The following PYDC1 variants were observed in gnomAD, a reference collection of about 807,000 sequenced individuals.
PYDC1 encodes pyrin domain-containing protein 1.
In PYDC1, 1 loss-of-function variant was observed where a neutral mutation model predicts 0.7. The ratio of observed to expected loss-of-function variants is 1.39; its 90% CI spans 0.49 to 6.61. The LOEUF is 6.61. Ranked by LOEUF, PYDC1 falls within the 30% of genes most tolerant of loss-of-function variation. The probability of loss-of-function intolerance (pLI) is 0.14; values close to 1 mark genes in which losing one functional copy is unlikely to be tolerated. For missense variants in PYDC1, 129 were observed against 124.8 expected (o/e 1.03, Z -0.16); for synonymous variants, 37 against 60.9 (o/e 0.61, Z 1.83).
In PYDC1 at chr16:31,216,302, A is replaced by AC. The variant is rs1217794296; in HGVS notation, c.*17-146dup. 1 of 155,782 alleles carries AC rather than the reference A, an allele frequency of 6.4e-6. No individual in the cohort carries two copies. The highest frequency in any genetic ancestry group is 2.4e-5 in the African/African-American group (1 of 40,960). 9.6% of individuals were successfully genotyped at this position (155,782 alleles called of 1,614,324 possible). On this transcript the variant is annotated intron_variant, in intron 1 of 1. Coordinates refer to ENST00000302964, the MANE Select transcript of PYDC1 (RefSeq NM_152901.4). This position sits in a 1 kb window ranked among gnomAD's most constrained non-coding sequence, Gnocchi z 6.7. ...CTCAGGGCAGGAGCCTCCTCCCGGGACCCCTCCCATCCCAGCACACCTGTG... is the reference window on the plus strand; with the variant it reads ...CTCAGGGCAGGAGCCTCCTCCCGGGACCCCCTCCCATCCCAGCACACCTGTG...
In PYDC1 at chr16:31,216,920, C is replaced by G. The variant is rs769473593; in HGVS notation, c.109G>C (p.Glu37Gln). 1 of 1,614,126 alleles carries G rather than the reference C, an allele frequency of 6.2e-7. No individual in the cohort carries two copies. The highest frequency in any genetic ancestry group is 8.5e-7 in the Non-Finnish European group (1 of 1,180,032). ...LGTVPLREGF[E>Q]RIPRGALGQL... ...CCGAGCGCGCCCCGCGGGATGCGCT[C>G]AAAGCCCTCGCGCAGCGGCACCGTC... The change falls in exon 1 of 2, where the codon GAG becomes CAG. Residue 37 changes from glutamate to glutamine, a missense_variant. Glu to Gln is a conservative substitution (Grantham distance 29, BLOSUM62 2). Transcript: ENST00000302964. This position sits in a 1 kb window ranked among gnomAD's most constrained non-coding sequence, Gnocchi z 6.7.
chr16:31,216,477 C>A lies in PYDC1; in HGVS notation c.*16+266G>T. On this transcript the variant is annotated intron_variant, in intron 1 of 1. Transcript: ENST00000302964. This position sits in a 1 kb window ranked among gnomAD's most constrained non-coding sequence, Gnocchi z 6.7. ...AAAAACCCAACCTCGCCCAACCTTG[C>A]CCGTCTTTATCTGCGAAGAAAGCAC... 1 of 406,844 alleles carries A rather than the reference C, an allele frequency of 2.5e-6. No homozygotes were observed. 25.2% of individuals were successfully genotyped at this position (406,844 alleles called of 1,614,324 possible).
In PYDC1 at chr16:31,216,842, C is replaced by A; in HGVS notation, c.187G>T (p.Asp63Tyr). 3.1e-6 allele frequency: 5 copies of A among 1,613,794 alleles called. No homozygotes were observed. The highest frequency in any genetic ancestry group is 4.2e-6 in the Non-Finnish European group (5 of 1,179,974). ...GCCACGACGAGCTCGGCTGCGTAGT[C>A]CTCGTAGTAGGAGGCGACCAGCTTG... The part of the protein sequence containing the change: ...TDKLVASYYE[D>Y]YAAELVVAVL... The change falls in exon 1 of 2, where the codon GAC becomes TAC. Residue 63 changes from aspartate (D) to tyrosine (Y), a missense_variant. Physicochemically the swap from Asp to Tyr is radical, Grantham distance 160. Transcript: ENST00000302964. This position sits in a 1 kb window ranked among gnomAD's most constrained non-coding sequence, Gnocchi z 6.7.
In PYDC1 at chr16:31,216,663, G is replaced by T; in HGVS notation, c.*16+80C>A. ...GGACCCCAGGAGGGACCCTGAAGGA[G>T]GGGAACAGGAAGGCTCTGGGCGGGA... On this transcript the variant is annotated intron_variant, in intron 1 of 1. Coordinates refer to ENST00000302964, the MANE Select transcript of PYDC1 (RefSeq NM_152901.4). The surrounding 1 kb of genome is among the most constrained non-coding windows in gnomAD (Gnocchi z 6.7). 1 of 1,428,818 alleles carries T rather than the reference G, an allele frequency of 7.0e-7. No homozygotes were observed. The allele number at this position is 1,428,818 out of a possible 1,614,324, so 88.5% of individuals were successfully genotyped here.
Position 31,216,838 on chromosome 16 carries a change from T to C in PYDC1, c.191A>G (p.Tyr64Cys). Residue 64 changes from tyrosine to cysteine, a missense_variant, in exon 1 of 2, where the codon TAC becomes TGC. Transcript: ENST00000302964. The surrounding 1 kb of genome is among the most constrained non-coding windows in gnomAD (Gnocchi z 6.7). ...DKLVASYYED[Y>C]AAELVVAVLR... Reference sequence around the variant, plus strand: ...CACGGCCACGACGAGCTCGGCTGCGTAGTCCTCGTAGTAGGAGGCGACCAG... The same window carrying C: ...CACGGCCACGACGAGCTCGGCTGCGCAGTCCTCGTAGTAGGAGGCGACCAG... 1 of 1,613,688 alleles carries C rather than the reference T, an allele frequency of 6.2e-7. No individual in the cohort carries two copies. Among genetic ancestry groups the C allele is most frequent in the Non-Finnish European group, 8.5e-7 (1 of 1,179,950 alleles).
chr16:31,217,114 G>A lies in PYDC1; in HGVS notation c.-86C>T. 1.4e-6 allele frequency: 2 copies of A among 1,391,174 alleles called. No homozygotes were observed. 86.2% of individuals were successfully genotyped at this position (1,391,174 alleles called of 1,614,324 possible). On this transcript the variant is annotated 5_prime_UTR_variant, in exon 1 of 2. Transcript: ENST00000302964. ...GCAGCAGGTGGAGCTGCCGCCCCCG[G>A]GGATGTCCCGGGAAGGAGACTGATC...
Position 31,216,918 on chromosome 16 carries a change from C to T in PYDC1, c.111G>A (p.Glu37=), listed in dbSNP as rs747659143. 6.2e-7 allele frequency: 1 copy of T among 1,614,136 alleles called. No homozygotes were observed. The highest frequency in any genetic ancestry group is 8.5e-7 in the Non-Finnish European group (1 of 1,180,044). Residue 37 remains glutamate, a synonymous_variant, in exon 1 of 2, where the codon GAG becomes GAA. Transcript: ENST00000302964. The surrounding 1 kb of genome is among the most constrained non-coding windows in gnomAD (Gnocchi z 6.7). ...GCCCGAGCGCGCCCCGCGGGATGCG[C>T]TCAAAGCCCTCGCGCAGCGGCACCG... ...LGTVPLREGF[E]RIPRGALGQL...
rs1042405766 is a variant in PYDC1, at chr16:31,216,452, A to C, written c.*16+291T>G. 25 of 387,980 alleles carry C rather than the reference A, an allele frequency of 6.4e-5. No individual in the cohort carries two copies. The highest frequency in any genetic ancestry group is 2.7e-4 in the African/African-American group (13 of 48,394). The allele number at this position is 387,980 out of a possible 1,614,324, so 24.0% of individuals were successfully genotyped here. Reference sequence around the variant, plus strand: ...AAAAAACAAAAAACAAACAAACAAAAAAAACCCAACCTCGCCCAACCTTGC... The same window carrying C: ...AAAAAACAAAAAACAAACAAACAAACAAAACCCAACCTCGCCCAACCTTGC... On this transcript the variant is annotated intron_variant, in intron 1 of 1. Transcript: ENST00000302964. The surrounding 1 kb of genome is among the most constrained non-coding windows in gnomAD (Gnocchi z 6.7).
In PYDC1 at chr16:31,216,666, G is replaced by C; in HGVS notation, c.*16+77C>G. 2.1e-6 allele frequency: 3 copies of C among 1,445,546 alleles called. No homozygotes were observed. Among genetic ancestry groups the C allele is most frequent in the Non-Finnish European group, 2.8e-6 (3 of 1,068,132 alleles). 89.5% of individuals were successfully genotyped at this position (1,445,546 alleles called of 1,614,324 possible). ...CCCCAGGAGGGACCCTGAAGGAGGG[G>C]AACAGGAAGGCTCTGGGCGGGACCT... On this transcript the variant is annotated intron_variant, in intron 1 of 1. Transcript: ENST00000302964. This position sits in a 1 kb window ranked among gnomAD's most constrained non-coding sequence, Gnocchi z 6.7.
Position 31,217,079 on chromosome 16 carries a change from T to C in PYDC1, c.-51A>G, listed in dbSNP as rs1385678111. On this transcript the variant is annotated 5_prime_UTR_variant, in exon 1 of 2. Coordinates refer to ENST00000302964, the MANE Select transcript of PYDC1 (RefSeq NM_152901.4). ...CCGAGGGCCTGGAGCCATCAGGTCC[T>C]ACCTTTCCTGCAGCAGGTGGAGCTG... 1.9e-6 allele frequency: 3 copies of C among 1,561,342 alleles called. No individual in the cohort carries two copies. Among genetic ancestry groups the C allele is most frequent in the Admixed American group, 1.8e-5 (1 of 54,490 alleles).
At position 31,216,767 on chromosome 16, in the gene PYDC1, C is replaced by T. The variant is rs1348934075; in HGVS notation, c.262G>A (p.Ala88Thr). ...MLEEAARLQRAA is the reference protein window; with the variant it reads ...MLEEAARLQRTA ...CCAGCTCAGAGTGGCCCTCACGCAG[C>T]CCGCTGCAGCCGTGCGGCCTCCTCC... Residue 88 changes from alanine (A) to threonine (T), a missense_variant, in exon 1 of 2, where the codon GCT becomes ACT. Physicochemically the swap from Ala to Thr is moderately conservative, Grantham distance 58. Transcript: ENST00000302964. The surrounding 1 kb of genome is among the most constrained non-coding windows in gnomAD (Gnocchi z 6.7). 6.2e-7 allele frequency: 1 copy of T among 1,600,670 alleles called. No individual in the cohort carries two copies. The highest frequency in any genetic ancestry group is 1.3e-5 in the African/African-American group (1 of 74,826).
In PYDC1 at chr16:31,216,865, TTGTCGGTGAGGTC is replaced by T; in HGVS notation, c.151_163del (p.Asp51SerfsTer100). On this transcript the variant is annotated frameshift_variant, in exon 1 of 2. Coordinates refer to ENST00000302964, the MANE Select transcript of PYDC1 (RefSeq NM_152901.4). LOFTEE classifies it low-confidence loss of function (END_TRUNC). This position sits in a 1 kb window ranked among gnomAD's most constrained non-coding sequence, Gnocchi z 6.7. Reference sequence around the variant, plus strand: ...GTCCTCGTAGTAGGAGGCGACCAGCTTGTCGGTGAGGTCCACGATATCTAGCTGCCCGAGCGCG... The same window carrying T: ...GTCCTCGTAGTAGGAGGCGACCAGCTCACGATATCTAGCTGCCCGAGCGCG... 5.0e-6 allele frequency: 8 copies of T among 1,613,878 alleles called. No homozygotes were observed. Among genetic ancestry groups the T allele is most frequent in the Non-Finnish European group, 5.1e-6 (6 of 1,179,968 alleles).
Position 31,216,809 on chromosome 16 carries a change from G to A in PYDC1, c.220C>T (p.Arg74Cys), listed in dbSNP as rs377601641. The change falls in exon 1 of 2, where the codon CGC becomes TGC. Residue 74 changes from arginine to cysteine, a missense_variant. Arg to Cys is a radical substitution (Grantham distance 180). Transcript: ENST00000302964. The surrounding 1 kb of genome is among the most constrained non-coding windows in gnomAD (Gnocchi z 6.7). ...YAAELVVAVL[R>C]DMRMLEEAAR... Reference sequence around the variant, plus strand: ...GCCTCCTCCAACATGCGCATGTCGCGCAGCACGGCCACGACGAGCTCGGCT... The same window carrying A: ...GCCTCCTCCAACATGCGCATGTCGCACAGCACGGCCACGACGAGCTCGGCT... 13 of 1,611,578 alleles carry A rather than the reference G, an allele frequency of 8.1e-6. No homozygotes were observed. The highest frequency in any genetic ancestry group is 1.1e-5 in the Non-Finnish European group (13 of 1,178,430).
Position 31,217,090 on chromosome 16 carries a change from C to A in PYDC1, c.-62G>T. On this transcript the variant is annotated 5_prime_UTR_variant, in exon 1 of 2. Coordinates refer to ENST00000302964, the MANE Select transcript of PYDC1 (RefSeq NM_152901.4). Reference sequence around the variant, plus strand: ...GAGCCATCAGGTCCTACCTTTCCTGCAGCAGGTGGAGCTGCCGCCCCCGGG... The same window carrying A: ...GAGCCATCAGGTCCTACCTTTCCTGAAGCAGGTGGAGCTGCCGCCCCCGGG... The A allele has an allele frequency of 6.5e-7, 1 of 1,534,170 alleles. No homozygotes were observed. Among genetic ancestry groups the A allele is most frequent in the Non-Finnish European group, 8.8e-7 (1 of 1,130,360 alleles).
rs770946351 is a variant in PYDC1, at chr16:31,216,944, TC to T, written c.84del (p.Thr29ArgfsTer19). 5.0e-6 allele frequency: 8 copies of T among 1,614,110 alleles called. No individual in the cohort carries two copies. Among genetic ancestry groups the T allele is most frequent in the Non-Finnish European group, 6.8e-6 (8 of 1,180,018 alleles). On this transcript the variant is annotated frameshift_variant, in exon 1 of 2. Transcript: ENST00000302964. LOFTEE classifies it low-confidence loss of function (END_TRUNC). The surrounding 1 kb of genome is among the most constrained non-coding windows in gnomAD (Gnocchi z 6.7). ...TCAAAGCCCTCGCGCAGCGGCACCG[TC>T]CCCAGCTTCATCTTGAACTTCTTGA... ...EELKKFKMKL[G>X]TVPLREGFER...
At position 31,215,987 on chromosome 16, in the gene PYDC1, G is replaced by A. The variant is rs538568032; in HGVS notation, c.*187C>T. 1.3e-5 allele frequency: 2 copies of A among 152,372 alleles called. No homozygotes were observed. The highest frequency in any genetic ancestry group is 4.1e-4 in the South Asian group (2 of 4,824). 9.4% of individuals were successfully genotyped at this position (152,372 alleles called of 1,614,324 possible). ...TAAAGTCTGCCATGAATATTTATTGGGCAGTGGAAGAATAAATGACAGGTG... is the reference window on the plus strand; with the variant it reads ...TAAAGTCTGCCATGAATATTTATTGAGCAGTGGAAGAATAAATGACAGGTG... On this transcript the variant is annotated 3_prime_UTR_variant, in exon 2 of 2. Transcript: ENST00000302964. The surrounding 1 kb of genome is among the most constrained non-coding windows in gnomAD (Gnocchi z 6.3).
chr16:31,217,096 G>T lies in PYDC1; in HGVS notation c.-68C>A. 1 of 1,492,000 alleles carries T rather than the reference G, an allele frequency of 6.7e-7. No individual in the cohort carries two copies. The highest frequency in any genetic ancestry group is 2.0e-5 in the Admixed American group (1 of 49,230). 92.4% of individuals were successfully genotyped at this position (1,492,000 alleles called of 1,614,324 possible). ...TCAGGTCCTACCTTTCCTGCAGCAG[G>T]TGGAGCTGCCGCCCCCGGGGATGTC... is the stretch of plus-strand genomic sequence containing the variant. On this transcript the variant is annotated 5_prime_UTR_variant, in exon 1 of 2. Coordinates refer to ENST00000302964, the MANE Select transcript of PYDC1 (RefSeq NM_152901.4).
chr16:31,217,000 T>C lies in PYDC1; in HGVS notation c.29A>G (p.Lys10Arg). 2 of 1,613,754 alleles carry C rather than the reference T, an allele frequency of 1.2e-6. No individual in the cohort carries two copies. Among genetic ancestry groups the C allele is most frequent in the Non-Finnish European group, 1.7e-6 (2 of 1,179,732 alleles). The stretch of plus-strand genomic sequence containing the variant: ...CTCCGGTGTCAGGTTCTCCAGCACC[T>C]TCAGGATGGCCTCGCGCTTCGTTCC... The part of the protein sequence containing the change: MGTKREAIL[K>R]VLENLTPEEL... Residue 10 changes from lysine (K) to arginine (R), a missense_variant, in exon 1 of 2, where the codon AAG becomes AGG. Physicochemically the swap from Lys to Arg is conservative, Grantham distance 26. Transcript: ENST00000302964. This position sits in a 1 kb window ranked among gnomAD's most constrained non-coding sequence, Gnocchi z 6.7.
In PYDC1 at chr16:31,216,422, TA is replaced by T. The variant is rs371713060; in HGVS notation, c.*17-266del. The T allele has an allele frequency of 5.7e-3, 1,537 of 270,062 alleles. No homozygotes were observed. The highest frequency in any genetic ancestry group is 0.011 in the Middle Eastern group (10 of 936). 16.7% of individuals were successfully genotyped at this position (270,062 alleles called of 1,614,324 possible). The stretch of plus-strand genomic sequence containing the variant: ...TCTTTGCAATAAATCTTGCTGCCGC[TA>T]AAAAAAAAACAAAAAACAAACAAAC... On this transcript the variant is annotated intron_variant, in intron 1 of 1. Coordinates refer to ENST00000302964, the MANE Select transcript of PYDC1 (RefSeq NM_152901.4). This position sits in a 1 kb window ranked among gnomAD's most constrained non-coding sequence, Gnocchi z 6.7.
Sources: allele counts gnomAD v4.1 joint callset, GRCh38; gene constraint gnomAD v4.1.1; non-coding constraint Gnocchi (gnomAD v3.1); transcripts MANE v1.5; gene names NCBI Gene and HGNC (gene_info 2026-07-23, HGNC 2026-07-21).